RFX8: variants seen among roughly 807,000 people sequenced by gnomAD.
RFX8 encodes the protein regulatory factor X8.
A neutral mutation model predicts 54.6 loss-of-function variants in RFX8; 46 were observed. The observed-to-expected ratio is 0.84, with a 90% CI of 0.67 to 1.08. The LOEUF is 1.08. RFX8 is among the 50% of genes least tolerant of loss of function. The pLI, the probability that RFX8 is intolerant of heterozygous loss-of-function variation, is 0.00. For synonymous variants in RFX8, 192 were observed against 209.5 expected (o/e 0.92, Z 0.72); for missense variants, 536 against 562.3 (o/e 0.95, Z 0.47).
chr2:101,469,772 C>T (rs546522207), intron 1 of RFX8, among the ~76,000 whole-genome samples: 10 of 152,156 alleles, frequency 6.6e-5, no homozygotes, highest in South Asian at 6.2e-4. Context: ...ATGATACTAC[C>T]GAGCCTGCCT....
chr2:101,439,545 T>C (rs1478844834), intron 2 of RFX8, among the ~76,000 whole-genome samples: 1 of 152,022 alleles, frequency 6.6e-6, no homozygotes, highest in Non-Finnish European at 1.5e-5. Flanking sequence ...TTAATTTTCA[T>C]ATACATTATG....
chr2:101,436,976 C>T (rs59737009), intron 2 of RFX8, among the ~76,000 whole-genome samples: 5 of 152,106 alleles, frequency 3.3e-5, no homozygotes, highest in African/African-American at 9.7e-5. Context: ...TGGGTGTCAG[C>T]GGAAGAAACC....
At chr2:101,458,304 A>G (rs1689090461) in intron 2 of RFX8, among the ~76,000 whole-genome samples, 1 of 152,178 alleles carries the variant, frequency 6.6e-6, no homozygotes, top group Non-Finnish European at 1.5e-5. Flanking sequence ...TCTACATGGC[A>G]TTGATGGTCT....
Position 101,466,904 on chromosome 2 carries a change from G to A in RFX8, c.-52-4C>T. The A allele has an allele frequency of 7.9e-7, 1 of 1,260,854 alleles. No homozygotes were observed. The highest frequency in any genetic ancestry group is 1.3e-5 in the South Asian group (1 of 78,072). The allele number at this position is 1,260,854 out of a possible 1,614,324, so 78.1% of individuals were successfully genotyped here. A position where few individuals can be genotyped will look rare whatever the true frequency, so the allele number is the denominator to read the frequency against. ...AATGCAGAAGTTGTCGACCAACCTG[G>A]AGGAGAGGAGGACAAGGAGGAGGAA... On this transcript the variant is annotated splice_polypyrimidine_tract_variant and splice_region_variant and intron_variant, in intron 1 of 11. Coordinates refer to ENST00000428343, the MANE Select transcript of RFX8 (RefSeq NM_001145664.2).
chr2:101,421,363 G>A (rs940464704), intron 4 of RFX8: 33 of 1,003,976 alleles, frequency 3.3e-5, no homozygotes, highest in African/African-American at 5.2e-5. Context: ...TTCAGTTAGC[G>A]CGTATCAATC....
At chr2:101,453,338 C>G (rs1688802758) in intron 2 of RFX8, among the ~76,000 whole-genome samples, 1 of 151,240 alleles carries the variant, frequency 6.6e-6, no homozygotes, top group South Asian at 2.1e-4. Flanking sequence ...GAGAAAATGC[C>G]ATTTAAATCT....
intron 1 of RFX8, among the ~76,000 whole-genome samples, chr2:101,467,343 G>C (rs1689632250): frequency 6.6e-6 from 1 of 152,116 alleles, no homozygotes; most frequent in African/African-American, 2.4e-5. Flanking sequence ...TGACCGCAGG[G>C]GCCAGCCTGG....
At chr2:101,449,972 G>T (rs555899176) in intron 2 of RFX8, among the ~76,000 whole-genome samples, 1 of 152,254 alleles carries the variant, frequency 6.6e-6, no homozygotes, top group Admixed American at 6.5e-5. Flanking sequence ...TTGCAGAAAG[G>T]TTGAGAAGGA....
At position 101,455,359 on chromosome 2, in the gene RFX8, T is replaced by G. The variant is rs571257824; in HGVS notation, c.72+11418A>C. Among the ~76,000 whole-genome samples the G allele has an allele frequency of 3.3e-5, 5 of 152,340 alleles. No individual in the cohort carries two copies. The East Asian group carries it at 9.6e-4, about 29-fold the overall frequency. ...TTTTTATCGTTTTAGGTCTTACATATAAGTCTTTAATCCATCTTGAGTTAA... is the reference window on the plus strand; with the variant it reads ...TTTTTATCGTTTTAGGTCTTACATAGAAGTCTTTAATCCATCTTGAGTTAA... On this transcript the variant is annotated intron_variant, in intron 2 of 11. Coordinates refer to ENST00000428343, the MANE Select transcript of RFX8 (RefSeq NM_001145664.2).
chr2:101,429,094 T>C lies in RFX8; in HGVS notation c.73-6622A>G. ...CTGAGCAGAAGCACGAAGTTTCTTT[T>C]GCAGCAAGGTTATTTGTTTAGGGGT... On this transcript the variant is annotated intron_variant, in intron 2 of 11. Transcript: ENST00000428343. 6 of 885,692 alleles carry C rather than the reference T, an allele frequency of 6.8e-6. No individual in the cohort carries two copies. The South Asian group carries it at 7.1e-5, about 10-fold the overall frequency. The allele number at this position is 885,692 out of a possible 1,614,324, so 54.9% of individuals were successfully genotyped here.
chr2:101,417,107 C>T (rs1195361566), intron 6 of RFX8, among the ~76,000 whole-genome samples: 1 of 152,240 alleles, frequency 6.6e-6, no homozygotes, highest in Admixed American at 6.5e-5. Context: ...CAGGCTGGGC[C>T]TTCCGGACTG....
intron 6 of RFX8, among the ~76,000 whole-genome samples, chr2:101,416,607 AGGAGGGT>A (rs1368456155): frequency 6.6e-6 from 1 of 152,220 alleles, no homozygotes; most frequent in Non-Finnish European, 1.5e-5. Context: ...TGACCTGGCA[AGGAGGGT>A]GGGACCCCGT....
chr2:101,434,653 T>C (rs1687671431), intron 2 of RFX8, among the ~76,000 whole-genome samples: 1 of 152,182 alleles, frequency 6.6e-6, no homozygotes. Context: ...TACCTCCTTT[T>C]AAAACCTTTC....
chr2:101,408,417 G>A (rs1186107553), intron 9 of RFX8, among the ~76,000 whole-genome samples: 5 of 151,896 alleles, frequency 3.3e-5, no homozygotes, highest in Admixed American at 1.3e-4. Context: ...CCCTGGGGGC[G>A]GAGCCTGCAG....
chr2:101,441,109 G>A (rs1008854929), intron 2 of RFX8, among the ~76,000 whole-genome samples: 6 of 152,140 alleles, frequency 3.9e-5, no homozygotes, highest in Admixed American at 3.9e-4. Flanking sequence ...CGGGACTACA[G>A]GCGCCCGCCA....
intron 2 of RFX8, among the ~76,000 whole-genome samples, chr2:101,463,222 G>C (rs1357037460): frequency 6.6e-6 from 1 of 152,208 alleles, no homozygotes; most frequent in Non-Finnish European, 1.5e-5. Context: ...GCTGAAATGT[G>C]GTTATAGAAT....
intron 2 of RFX8, among the ~76,000 whole-genome samples, chr2:101,437,916 C>T (rs36182679): frequency 0.76 from 114,989 of 151,982 alleles, 44,449 homozygotes; most frequent in Middle Eastern, 0.88. Context: ...CCCATCCCTA[C>T]GTCATTTCAA....
At position 101,466,844 on chromosome 2, in the gene RFX8, T is replaced by C. The variant is rs745534788; in HGVS notation, c.5A>G (p.Tyr2Cys). 13 of 1,550,958 alleles carry C rather than the reference T, an allele frequency of 8.4e-6. 1 individual carries two copies. Among genetic ancestry groups the C allele is most frequent in the Middle Eastern group, 3.3e-4 (2 of 6,012 alleles). Reference sequence around the variant, plus strand: ...CCCACAGGTCTCCACGTAAATCTCATACATGAGACAGCGAGGGACGCTGCA... The same window carrying C: ...CCCACAGGTCTCCACGTAAATCTCACACATGAGACAGCGAGGGACGCTGCA... M[Y>C]EIYVETCGQN... Residue 2 changes from tyrosine (Y) to cysteine (C), a missense_variant, in exon 2 of 12, where the codon TAT becomes TGT. Transcript: ENST00000428343.
intron 1 of RFX8, chr2:101,474,095 C>T (rs1690162743): frequency 3.9e-6 from 2 of 514,918 alleles, no homozygotes; most frequent in Admixed American, 8.5e-5. Context: ...CCGCTCCTCA[C>T]ACCCGGCTTT....
Sources: allele counts gnomAD v4.1 joint callset (sites outside exome capture counted in the v4.1 genomes callset), GRCh38; gene constraint gnomAD v4.1.1; transcripts MANE v1.5; gene names NCBI Gene and HGNC (gene_info 2026-07-23, HGNC 2026-07-21).